Variants in OGT observed in about 807,000 individuals in gnomAD.
OGT encodes the protein UDP-N-acetylglucosamine--peptide N-acetylglucosaminyltransferase 110 kDa subunit.
In OGT, 3 loss-of-function variants were observed where a neutral mutation model predicts 75.8. The ratio of observed to expected loss-of-function variants is 0.04; its 90% CI spans 0.02 to 0.10. OGT has a LOEUF of 0.10. Ranked by LOEUF, OGT falls within the 10% of genes least tolerant of loss-of-function variation. The pLI, the probability that OGT is intolerant of heterozygous loss-of-function variation, is 1.00. For synonymous variants in OGT, 257 were observed against 289.7 expected (o/e 0.89, Z 1.15); for missense variants, 260 against 824.4 (o/e 0.32, Z 8.38).
chrX:71,565,500 A>G (rs1420699836), intron 19 of OGT, among the ~76,000 whole-genome samples: 1 of 111,611 alleles, frequency 9.0e-6, no homozygotes, highest in Admixed American at 9.6e-5. Context: ...AAATGCTAGG[A>G]TGACATGTGT....
chrX:71,567,339 T>C (rs776056601), intron 19 of OGT, among the ~76,000 whole-genome samples, 161 bp from the exon 20 acceptor site: 2 of 112,121 alleles, frequency 1.8e-5, no homozygotes, highest in Admixed American at 9.5e-5. Context: ...GATAATTCAA[T>C]TGATCTCATT....
chrX:71,559,524 GGAAAGATTTGAGCCA>G (rs958106503), intron 13 of OGT, 49 bp from the exon 14 acceptor site: 80 of 1,152,447 alleles, frequency 6.9e-5, no homozygotes, highest in Admixed American at 4.9e-4. Context: ...AGTGTCTTTT[GGAAAGATTTGAGCCA>G]GAAAGATTTG....
At position 71,567,485 on chromosome X, in the gene OGT, T is replaced by C; in HGVS notation, c.2590-15T>C. The C allele has an allele frequency of 9.0e-7, 1 of 1,111,887 alleles. No individual in the cohort carries two copies. 91.6% of individuals were successfully genotyped at this position (1,111,887 alleles called of 1,213,427 possible). The stretch of plus-strand genomic sequence containing the variant: ...GATCTGCTATTAATAATTATTCTTA[T>C]TTTCCCTATTTTAGATTCTGAAGCG... On this transcript the variant is annotated splice_polypyrimidine_tract_variant and intron_variant, in intron 19 of 21. Coordinates refer to ENST00000373719, the MANE Select transcript of OGT (RefSeq NM_181672.3).
intron 19 of OGT, among the ~76,000 whole-genome samples, chrX:71,564,974 T>C (rs766641402): frequency 9.0e-6 from 1 of 111,217 alleles, no homozygotes; most frequent in East Asian, 2.8e-4. Flanking sequence ...CTGACCAACA[T>C]TGCAAAACCC....
intron 2 of OGT, 137 bp from the exon 3 acceptor site, chrX:71,537,692 G>T: frequency 1.4e-6 from 1 of 691,293 alleles, no homozygotes; most frequent in Non-Finnish European, 2.1e-6. Context: ...AATTTTTCTT[G>T]CTATGCACTA....
chrX:71,541,192 G>T (rs2040216093), intron 3 of OGT, among the ~76,000 whole-genome samples: 1 of 111,988 alleles, frequency 8.9e-6, no homozygotes, highest in African/African-American at 3.2e-5. Flanking sequence ...TTTGATTGTG[G>T]ATGCACAGAA....
chrX:71,541,548 G>A (rs916590866), intron 3 of OGT, among the ~76,000 whole-genome samples: 4 of 111,539 alleles, frequency 3.6e-5, no homozygotes, highest in African/African-American at 1.3e-4. Flanking sequence ...TTGTTGGAGA[G>A]TATTAATCAG....
chrX:71,568,067 A>G lies in OGT; in HGVS notation c.2917A>G (p.Arg973Gly). Residue 973 changes from arginine (R) to glycine (G), a missense_variant, in exon 21 of 22, where the codon AGA becomes GGA. Physicochemically the swap from Arg to Gly is moderately radical, Grantham distance 125. This residue lies in a region of OGT where 34 missense variants were observed against 57.5 expected (regional missense o/e 0.59). Coordinates refer to ENST00000373719, the MANE Select transcript of OGT (RefSeq NM_181672.3). ...LGCLELIAKNRQEYEDIAVKL... is the reference protein window; with the variant it reads ...LGCLELIAKNGQEYEDIAVKL... ...TTGTCTTGAGCTTATTGCTAAAAAC[A>G]GACAAGAATATGAAGACATAGCTGT... is the stretch of plus-strand genomic sequence containing the variant. 1 of 1,209,824 alleles carries G rather than the reference A, an allele frequency of 8.3e-7. No individual in the cohort carries two copies. Among genetic ancestry groups the G allele is most frequent in the Non-Finnish European group, 1.1e-6 (1 of 893,965 alleles).
At chrX:71,549,919 T>A (rs1267870381) in intron 5 of OGT, among the ~76,000 whole-genome samples, 1 of 112,147 alleles carries the variant, frequency 8.9e-6, no homozygotes, top group Admixed American at 9.5e-5. Flanking sequence ...TTTGACATAT[T>A]ACTTTGCATC....
chrX:71,556,503 C>G, intron 8 of OGT, 177 bp from the exon 9 acceptor site: 1 of 384,454 alleles, frequency 2.6e-6, no homozygotes, highest in Non-Finnish European at 4.5e-6. Flanking sequence ...ATGTTTGAAA[C>G]AAGAAGAGGT....
intron 5 of OGT, among the ~76,000 whole-genome samples, chrX:71,549,392 A>G (rs868863123): frequency 9.2e-6 from 1 of 108,943 alleles, no homozygotes; most frequent in South Asian, 4.0e-4. Flanking sequence ...TCAACTTATG[A>G]TGGGTGTATC....
chrX:71,562,414 AT>A (rs1382435006), intron 15 of OGT, among the ~76,000 whole-genome samples: 1 of 113,010 alleles, frequency 8.8e-6, no homozygotes, highest in African/African-American at 3.2e-5. Flanking sequence ...GCAGTGAACT[AT>A]CACTATGCCA....
chrX:71,534,159 C>A (rs754069177), intron 1 of OGT: 1 of 111,049 alleles, frequency 9.0e-6, no homozygotes, highest in Non-Finnish European at 1.9e-5. Context: ...ACCCTGCCCG[C>A]CCAATTCTCG....
Position 71,564,634 on chromosome X carries a change from C to T in OGT, c.2470C>T (p.Pro824Ser). The T allele has an allele frequency of 8.3e-7, 1 of 1,201,889 alleles. No homozygotes were observed. The highest frequency in any genetic ancestry group is 1.1e-6 in the Non-Finnish European group (1 of 887,404). The change falls in exon 19 of 22, where the codon CCC becomes TCC. Residue 824 changes from proline (P) to serine (S), a missense_variant. This residue lies in a region of OGT where 79 missense variants were observed against 141.0 expected (regional missense o/e 0.56). Transcript: ENST00000373719. The part of the protein sequence containing the change: ...NNKAATGEEV[P>S]RTIIVTTRSQ... ...TAAGGCTGCAACTGGAGAGGAGGTT[C>T]CCCGTACCATTATTGTAACCACCCG...
At chrX:71,544,488 A>G in intron 3 of OGT, 79 bp from the exon 4 acceptor site, 1 of 913,246 alleles carries the variant, frequency 1.1e-6, no homozygotes, top group Non-Finnish European at 1.6e-6. Flanking sequence ...GCAGGGAGCT[A>G]GATGCTTAAA....
intron 14 of OGT, among the ~76,000 whole-genome samples, 154 bp from the exon 15 acceptor site, chrX:71,561,621 A>G (rs780661547): frequency 7.8e-4 from 87 of 111,689 alleles, no homozygotes; most frequent in African/African-American, 2.8e-3. Context: ...TTGTGCCCGA[A>G]TTAATGTAGT....
Position 71,547,909 on chromosome X carries a change from A to G in OGT, c.534A>G (p.Ala178=). The G allele has an allele frequency of 8.3e-7, 1 of 1,197,609 alleles. No homozygotes were observed. Among genetic ancestry groups the G allele is most frequent in the Non-Finnish European group, 1.1e-6 (1 of 890,781 alleles). The change falls in exon 5 of 22, where the codon GCA becomes GCG. Residue 178 remains alanine, a splice_region_variant and synonymous_variant. Coordinates refer to ENST00000373719, the MANE Select transcript of OGT (RefSeq NM_181672.3). ...TTCTTTCATTAACCCCTCCTAAGGC[A>G]TGTTATTTGAAAGCAATTGAGACGC... ...KALGRLEEAK[A]CYLKAIETQP...
rs11345203 is a variant in OGT at position 71,574,753 on chromosome X, GTT to G, written c.*976_*977del. On this transcript the variant is annotated 3_prime_UTR_variant, in exon 22 of 22. Coordinates refer to ENST00000373719, the MANE Select transcript of OGT (RefSeq NM_181672.3). ...TAAGATTTTTACCTTCCTTTCTAAA[GTT>G]TTTTTTTTTTTTTTTTAAGTGAGTC... 875 of 84,497 alleles carry G rather than the reference GTT, an allele frequency of 0.01. 12 individuals carry two copies. The highest frequency in any genetic ancestry group is 0.031 in the African/African-American group (720 of 23,559). 7.0% of individuals were successfully genotyped at this position (84,497 alleles called of 1,213,427 possible).
chrX:71,558,606 C>T (rs766902956), intron 12 of OGT, among the ~76,000 whole-genome samples: 2 of 109,637 alleles, frequency 1.8e-5, no homozygotes, highest in South Asian at 7.9e-4. Flanking sequence ...ATCCACCTGC[C>T]TCAGCCTCCC....
Sources: allele counts gnomAD v4.1 joint callset (sites outside exome capture counted in the v4.1 genomes callset), GRCh38; gene constraint gnomAD v4.1.1; regional missense constraint gnomAD v4.1.1; transcripts MANE v1.5; gene names NCBI Gene and HGNC (gene_info 2026-07-23, HGNC 2026-07-21).